Variants in SMPD3 observed in about 807,000 individuals in gnomAD.
The protein encoded by SMPD3 is sphingomyelin phosphodiesterase 3, also known as nSMase-2.
SMPD3 carries 21 observed loss-of-function variants against 55.7 expected under a neutral mutation model. The ratio of observed to expected loss-of-function variants is 0.38; its 90% confidence interval spans 0.27 to 0.54. SMPD3 has a LOEUF of 0.54. Among genes scored for constraint, SMPD3 ranks in the 20% least tolerant of loss-of-function variants. The pLI is 0.80. For synonymous variants in SMPD3, 457 were observed against 404.3 expected (o/e 1.13, Z -1.56); for missense variants, 842 against 899.6 (o/e 0.94, Z 0.82).
intron 1 of SMPD3, among the ~76,000 whole-genome samples, chr16:68,411,662 C>T (rs557844817): frequency 3.3e-4 from 51 of 152,320 alleles, no homozygotes; most frequent in African/African-American, 1.2e-3. Context: ...ACAGCAGCCA[C>T]GTAGAGCATC....
Position 68,361,005 on chromosome 16 carries a change from T to C in SMPD3, c.*201A>G. 2 of 570,830 alleles carry C rather than the reference T, an allele frequency of 3.5e-6. No homozygotes were observed. Among genetic ancestry groups the C allele is most frequent in the Non-Finnish European group, 6.2e-6 (2 of 322,170 alleles). The allele number at this position is 570,830 out of a possible 1,614,324, so 35.4% of individuals were successfully genotyped here. ...CACTGGTTAGGCAGCTGGAGGCTCCTGGGGCGGGCCTGACTCCTCTGTCCA... is the reference window on the plus strand; with the variant it reads ...CACTGGTTAGGCAGCTGGAGGCTCCCGGGGCGGGCCTGACTCCTCTGTCCA... On this transcript the variant is annotated 3_prime_UTR_variant, in exon 9 of 9. Coordinates refer to ENST00000219334, the MANE Select transcript of SMPD3 (RefSeq NM_018667.4).
At chr16:68,366,515 C>G (rs1199577949) in intron 3 of SMPD3, among the ~76,000 whole-genome samples, 1 of 152,240 alleles carries the variant, frequency 6.6e-6, no homozygotes, top group Non-Finnish European at 1.5e-5. Flanking sequence ...TGTGAGATCA[C>G]GCAGCATTGA....
At chr16:68,427,267 T>G (rs1434691202) in intron 1 of SMPD3, among the ~76,000 whole-genome samples, 1 of 152,180 alleles carries the variant, frequency 6.6e-6, no homozygotes, top group Non-Finnish European at 1.5e-5. Flanking sequence ...CCTCCCAAAG[T>G]GCTGGGATTA....
intron 1 of SMPD3, among the ~76,000 whole-genome samples, chr16:68,433,429 C>T (rs1478323428): frequency 1.3e-5 from 2 of 152,212 alleles, no homozygotes; most frequent in African/African-American, 4.8e-5. Context: ...CTGATGTACA[C>T]CTTTGATATT....
rs559892782 is a variant in SMPD3, at chr16:68,361,313, G to T, written c.1867-6C>A. On this transcript the variant is annotated splice_polypyrimidine_tract_variant and splice_region_variant and intron_variant, in intron 8 of 8. Coordinates refer to ENST00000219334, the MANE Select transcript of SMPD3 (RefSeq NM_018667.4). ...AAACTGAATTCTTCCACCTCCTGGG[G>T]TGAGTGGGAGAGGGGAGAAACAGCC... is the stretch of plus-strand genomic sequence containing the variant. The T allele has an allele frequency of 1.2e-6, 2 of 1,607,590 alleles. No homozygotes were observed. The highest frequency in any genetic ancestry group is 2.2e-5 in the South Asian group (2 of 89,808).
At chr16:68,379,280 C>G (rs1342430492) in intron 2 of SMPD3, among the ~76,000 whole-genome samples, 2 of 152,194 alleles carry the variant, frequency 1.3e-5, no homozygotes, top group Admixed American at 6.5e-5. Context: ...AGCACAAACT[C>G]TGGTGTTGGA....
chr16:68,362,360 C>G (rs551954022), intron 7 of SMPD3, among the ~76,000 whole-genome samples: 27 of 152,322 alleles, frequency 1.8e-4, no homozygotes, highest in South Asian at 1.0e-3. Context: ...CATGATGGTG[C>G]TAGGGGATCC....
At chr16:68,403,624 C>A (rs1334756600) in intron 1 of SMPD3, among the ~76,000 whole-genome samples, 1 of 152,100 alleles carries the variant, frequency 6.6e-6, no homozygotes, top group African/African-American at 2.4e-5. Flanking sequence ...GATCTGTAAC[C>A]ATTTTAGAAG....
At chr16:68,361,842 C>T in intron 7 of SMPD3, 83 bp from the exon 8 acceptor site, 1 of 1,491,104 alleles carries the variant, frequency 6.7e-7, no homozygotes, top group Non-Finnish European at 9.0e-7. Flanking sequence ...GCCATGGTCT[C>T]CTCCCAGTGT....
Position 68,372,187 on chromosome 16 carries a change from C to T in SMPD3, c.-6G>A. On this transcript the variant is annotated 5_prime_UTR_variant, in exon 3 of 9. Coordinates refer to ENST00000219334, the MANE Select transcript of SMPD3 (RefSeq NM_018667.4). Reference sequence around the variant, plus strand: ...GGGGTCGTGTACAAAACCATCGCAGCTCACTGGGCGCCGCAGCCGGCCCTA... The same window carrying T: ...GGGGTCGTGTACAAAACCATCGCAGTTCACTGGGCGCCGCAGCCGGCCCTA... 6.2e-7 allele frequency: 1 copy of T among 1,610,346 alleles called. No homozygotes were observed. Among genetic ancestry groups the T allele is most frequent in the Non-Finnish European group, 8.5e-7 (1 of 1,178,862 alleles).
intron 2 of SMPD3, among the ~76,000 whole-genome samples, chr16:68,385,425 T>C (rs1225178960): frequency 6.6e-6 from 1 of 152,138 alleles, no homozygotes; most frequent in East Asian, 1.9e-4. Context: ...AACAAGACCT[T>C]TGCCTCTTTT....
At chr16:68,420,350 C>G (rs528830968) in intron 1 of SMPD3, among the ~76,000 whole-genome samples, 114 of 152,302 alleles carry the variant, frequency 7.5e-4, no homozygotes, top group African/African-American at 2.6e-3. Flanking sequence ...TCCCACTTTG[C>G]AGATGAGGAA....
At chr16:68,363,181 G>C (rs868441214) in intron 7 of SMPD3, among the ~76,000 whole-genome samples, 10 of 10,142 alleles carry the variant, frequency 9.9e-4, no homozygotes, top group Non-Finnish European at 1.7e-3. Flanking sequence ...GGCCTGGCCC[G>C]GGGGAAATTC....
chr16:68,400,097 G>T (rs1171912355), intron 1 of SMPD3, among the ~76,000 whole-genome samples: 1 of 152,250 alleles, frequency 6.6e-6, no homozygotes, highest in Non-Finnish European at 1.5e-5. Flanking sequence ...TTGAACCCAG[G>T]TCTGTCTGAC....
chr16:68,438,989 A>T (rs1019969694), intron 1 of SMPD3, among the ~76,000 whole-genome samples: 2 of 152,192 alleles, frequency 1.3e-5, no homozygotes, highest in African/African-American at 2.4e-5. Flanking sequence ...AAGGATAATA[A>T]TGGTATTCTT....
At chr16:68,386,799 C>T (rs889503498) in intron 1 of SMPD3, 140 bp from the exon 2 acceptor site, 7 of 152,338 alleles carry the variant, frequency 4.6e-5, no homozygotes, top group African/African-American at 1.7e-4. Flanking sequence ...CTGCCACACC[C>T]TCCACGTCGC....
chr16:68,433,100 G>A (rs927988169), intron 1 of SMPD3, among the ~76,000 whole-genome samples: 1 of 152,140 alleles, frequency 6.6e-6, no homozygotes, highest in Non-Finnish European at 1.5e-5. Flanking sequence ...CACCATGCCC[G>A]GCTGTTGTTT....
At chr16:68,431,566 A>T (rs897968496) in intron 1 of SMPD3, among the ~76,000 whole-genome samples, 5 of 152,156 alleles carry the variant, frequency 3.3e-5, no homozygotes, top group African/African-American at 9.7e-5. Flanking sequence ...ACATGAGAAT[A>T]CTAATAACTG....
At chr16:68,361,823 G>A in intron 7 of SMPD3, 64 bp from the exon 8 acceptor site, 1 of 1,550,554 alleles carries the variant, frequency 6.4e-7, no homozygotes, top group Non-Finnish European at 8.7e-7. Context: ...GGCAGGGGCT[G>A]TGTGTGGAGC....
Sources: allele counts gnomAD v4.1 joint callset (sites outside exome capture counted in the v4.1 genomes callset), GRCh38; gene constraint gnomAD v4.1.1; transcripts MANE v1.5; gene names NCBI Gene and HGNC (gene_info 2026-07-23, HGNC 2026-07-21).